SDK1: variants seen among roughly 807,000 people sequenced by gnomAD.
SDK1 encodes the protein protein sidekick-1.
Under a neutral mutation model 245.5 loss-of-function variants are expected in SDK1, and 157 were observed. The observed-to-expected ratio is 0.64, with a 90% CI of 0.56 to 0.73. The LOEUF (loss-of-function observed/expected upper bound fraction) is 0.73, where lower values mean the gene tolerates loss of function less well. SDK1 is among the 30% of genes least tolerant of loss of function. The probability of loss-of-function intolerance (pLI) is 0.00; values close to 1 mark genes in which losing one functional copy is unlikely to be tolerated. For missense variants in SDK1, 3,583 were observed against 3,002.3 expected (o/e 1.19, Z -4.52); for synonymous variants, 1,647 against 1,278.5 (o/e 1.29, Z -6.15).
chr7:3,828,715 G>A (rs1779841318), intron 5 of SDK1, among the ~76,000 whole-genome samples: 1 of 137,416 alleles, frequency 7.3e-6, no homozygotes, highest in African/African-American at 2.7e-5. Context: ...GCAGTAGTGA[G>A]ATCATGGCTC....
intron 1 of SDK1, among the ~76,000 whole-genome samples, chr7:3,379,674 G>A (rs910652472): frequency 2.6e-5 from 4 of 152,150 alleles, no homozygotes; most frequent in African/African-American, 4.8e-5. Context: ...GAATAATGAC[G>A]TGGGAGCATT....
chr7:4,006,472 T>TG (rs1156736676), intron 14 of SDK1, among the ~76,000 whole-genome samples: 1 of 152,230 alleles, frequency 6.6e-6, no homozygotes, highest in East Asian at 1.9e-4. Context: ...GAGGACCGGC[T>TG]GGGGGCGGAC....
intron 5 of SDK1, among the ~76,000 whole-genome samples, chr7:3,893,035 A>T (rs921314722): frequency 6.6e-6 from 1 of 152,142 alleles, no homozygotes; most frequent in African/African-American, 2.4e-5. Context: ...TTGAGCGGGA[A>T]GCCCAGGCAG....
At chr7:4,144,726 C>A (rs543947257) in intron 28 of SDK1, among the ~76,000 whole-genome samples, 4 of 152,254 alleles carry the variant, frequency 2.6e-5, no homozygotes, top group Admixed American at 1.3e-4. Flanking sequence ...TGGGGTCGCC[C>A]GGCAGCTCCT....
At chr7:4,176,116 TC>T (rs1159587975) in intron 34 of SDK1, among the ~76,000 whole-genome samples, 1 of 150,010 alleles carries the variant, frequency 6.7e-6, no homozygotes, top group Admixed American at 6.6e-5. Flanking sequence ...ACTTCCTTCT[TC>T]CTTTTTTTTT....
intron 1 of SDK1, among the ~76,000 whole-genome samples, chr7:3,343,339 A>T (rs1780404478): frequency 6.6e-6 from 1 of 152,226 alleles, no homozygotes; most frequent in African/African-American, 2.4e-5. Context: ...CACAATAAAA[A>T]GGGCCAAAGT....
intron 4 of SDK1, among the ~76,000 whole-genome samples, chr7:3,763,361 C>G (rs1022265105): frequency 1.3e-5 from 2 of 152,026 alleles, no homozygotes; most frequent in African/African-American, 4.8e-5. Flanking sequence ...CATTTTCATA[C>G]GTACAGAAAA....
At chr7:3,318,994 G>A (rs567778556) in intron 1 of SDK1, among the ~76,000 whole-genome samples, 1 of 152,184 alleles carries the variant, frequency 6.6e-6, no homozygotes, top group East Asian at 1.9e-4. Flanking sequence ...TTAGCAGTGT[G>A]GGCCTATCTG....
At chr7:3,944,861 G>C (rs1053599532) in intron 5 of SDK1, among the ~76,000 whole-genome samples, 15 of 152,180 alleles carry the variant, frequency 9.9e-5, no homozygotes, top group Admixed American at 9.8e-4. Context: ...CAACCACCTG[G>C]GGAGAGGGCC....
rs1158400922 is a variant in SDK1, at chr7:4,026,248, TG to T, written c.2602+8901del. The stretch of plus-strand genomic sequence containing the variant: ...GAATGCAGAGACAGGGCATGGGAAG[TG>T]GGGGTCGGGAGAGGAAGAGGAAGAG... On this transcript the variant is annotated intron_variant, in intron 17 of 44. Transcript: ENST00000404826. This position sits in a 1 kb window ranked among gnomAD's most constrained non-coding sequence, Gnocchi z 4.1. Among the ~76,000 whole-genome samples, 2 of 151,834 alleles carry T rather than the reference TG, an allele frequency of 1.3e-5. No homozygotes were observed. The highest frequency in any genetic ancestry group is 4.8e-5 in the African/African-American group (2 of 41,296).
intron 38 of SDK1, among the ~76,000 whole-genome samples, chr7:4,213,290 G>A (rs1268418984): frequency 6.6e-6 from 1 of 152,092 alleles, no homozygotes; most frequent in Non-Finnish European, 1.5e-5. Flanking sequence ...GCACGCACCT[G>A]TAATCCCAGC....
chr7:3,675,518 A>G (rs34586656), intron 4 of SDK1, among the ~76,000 whole-genome samples: 11,642 of 152,194 alleles, frequency 0.076, 836 homozygotes, highest in East Asian at 0.35. Flanking sequence ...AAAAGTCTAC[A>G]TAATATGCTC....
chr7:3,941,835 T>C (rs189645959), intron 5 of SDK1, among the ~76,000 whole-genome samples: 79 of 152,200 alleles, frequency 5.2e-4, no homozygotes, highest in African/African-American at 1.8e-3. Flanking sequence ...GTTGTTACAG[T>C]TGCAGTCATC....
chr7:3,778,458 G>C (rs905852034), intron 4 of SDK1, among the ~76,000 whole-genome samples: 2 of 146,464 alleles, frequency 1.4e-5, no homozygotes, highest in South Asian at 4.3e-4. Flanking sequence ...GTTAAAGTTC[G>C]TATTTTCTAT....
intron 1 of SDK1, among the ~76,000 whole-genome samples, chr7:3,499,629 A>T (rs1178118973): frequency 6.6e-6 from 1 of 152,218 alleles, no homozygotes; most frequent in East Asian, 1.9e-4. Flanking sequence ...TTGTTTTAAA[A>T]ATGGAGTAAC....
At position 4,161,818 on chromosome 7, in the gene SDK1, A is replaced by G. The variant is rs146662127; in HGVS notation, c.4762A>G (p.Thr1588Ala). Residue 1588 changes from threonine (T) to alanine (A), a missense_variant, in exon 32 of 45, where the codon ACG (threonine) becomes GCG (alanine). Physicochemically the swap from Thr to Ala is moderately conservative, Grantham distance 58. Transcript: ENST00000404826. ...PGEPPGSVSA[T>A]PHTTSSVLIQ... ...AGAGCCCCCGGGATCTGTCTCAGCG[A>G]CGCCACACACCACGTCCTCTGTCCT... 409 of 1,614,018 alleles carry G rather than the reference A, an allele frequency of 2.5e-4. No homozygotes were observed. The highest frequency in any genetic ancestry group is 3.3e-4 in the Middle Eastern group (2 of 6,084).
At chr7:3,837,685 G>A (rs2115082918) in intron 5 of SDK1, among the ~76,000 whole-genome samples, 1 of 152,312 alleles carries the variant, frequency 6.6e-6, no homozygotes, top group Non-Finnish European at 1.5e-5. Context: ...AGGAGTTGCT[G>A]TGATGATGGA....
At chr7:3,509,370 C>G (rs1583974463) in intron 1 of SDK1, among the ~76,000 whole-genome samples, 1 of 152,104 alleles carries the variant, frequency 6.6e-6, no homozygotes, top group African/African-American at 2.4e-5. Context: ...AACATGTGAC[C>G]TCAGGCAAAT....
chr7:4,155,176 T>A (rs1229565906), intron 30 of SDK1, among the ~76,000 whole-genome samples: 2 of 151,956 alleles, frequency 1.3e-5, no homozygotes, highest in African/African-American at 2.4e-5. Flanking sequence ...CTGCTGGAGC[T>A]GCTTTCTGCC....
Sources: gnomAD v4.1 joint callset for allele counts (sites outside exome capture counted in the v4.1 genomes callset) on GRCh38, gnomAD v4.1.1 for gene constraint, Gnocchi (gnomAD v3.1) non-coding constraint, MANE v1.5 for transcripts, NCBI Gene and HGNC (gene_info 2026-07-23, HGNC 2026-07-21) for gene names.